The following CCSER1 variants were observed in gnomAD, a reference collection of about 807,000 sequenced individuals.
The protein encoded by CCSER1 is coiled-coil serine rich protein 1, also known as serine-rich coiled-coil domain-containing protein 1.
CCSER1 carries 41 observed loss-of-function variants against 82.0 expected under a neutral mutation model. That is an observed-to-expected ratio of 0.50 (90% CI 0.39 to 0.65). The LOEUF is 0.65. CCSER1 is among the 30% of genes least tolerant of loss of function. The pLI is 0.00. For missense variants in CCSER1, 1,119 were observed against 1,064.2 expected (o/e 1.05, Z -0.72); for synonymous variants, 414 against 383.9 (o/e 1.08, Z -0.92).
At chr4:91,579,504 A>G (rs1763627787) in intron 10 of CCSER1, among the ~76,000 whole-genome samples, 1 of 151,882 alleles carries the variant, frequency 6.6e-6, no homozygotes, top group Admixed American at 6.6e-5. Context: ...CATTGTGAAT[A>G]AATGTTAATT....
In CCSER1 at chr4:91,441,040, T is replaced by C. The variant is rs1338227565; in HGVS notation, c.2218-157532T>C. Among the ~76,000 whole-genome samples the C allele has an allele frequency of 5.9e-5, 9 of 151,766 alleles. No individual in the cohort carries two copies. The East Asian group carries it at 1.7e-3, about 29-fold the overall frequency. ...ATTCACAGCCGAATTCTACCAGAGGTACAAGGAGGAACTGGTACCATTCCT... is the reference window on the plus strand; with the variant it reads ...ATTCACAGCCGAATTCTACCAGAGGCACAAGGAGGAACTGGTACCATTCCT... On this transcript the variant is annotated intron_variant, in intron 10 of 10. Transcript: ENST00000509176.
chr4:90,187,426 T>C (rs1734814810), intron 1 of CCSER1, among the ~76,000 whole-genome samples: 1 of 150,798 alleles, frequency 6.6e-6, no homozygotes, highest in Non-Finnish European at 1.5e-5. Context: ...ACCTCCCTTA[T>C]CGGATTTCAC....
chr4:91,445,564 A>T lies in CCSER1; in HGVS notation c.2218-153008A>T, dbSNP rs1375010266. ...GATTTTATGAAAATGTAGAGACCAA[A>T]TACTGATGTATTCGTTATCATTCTC... On this transcript the variant is annotated intron_variant, in intron 10 of 10. Coordinates refer to ENST00000509176, the MANE Select transcript of CCSER1 (RefSeq NM_001145065.2). Among the ~76,000 whole-genome samples, 12 of 152,012 alleles carry T rather than the reference A, an allele frequency of 7.9e-5. 1 individual carries two copies. Among genetic ancestry groups the T allele is most frequent in the Non-Finnish European group, 1.8e-4 (12 of 68,012 alleles).
intron 9 of CCSER1, among the ~76,000 whole-genome samples, chr4:90,982,417 A>G (rs963352631): frequency 1.3e-5 from 2 of 151,716 alleles, no homozygotes; most frequent in African/African-American, 4.8e-5. Flanking sequence ...AATGGAGGGA[A>G]CACAAATACT....
At chr4:90,915,959 G>C (rs554794752) in intron 8 of CCSER1, among the ~76,000 whole-genome samples, 1 of 151,914 alleles carries the variant, frequency 6.6e-6, no homozygotes, top group Non-Finnish European at 1.5e-5. Context: ...ACTTACAAGG[G>C]GTGTGAAGGA....
chr4:90,709,139 A>G (rs1203588024), intron 6 of CCSER1, among the ~76,000 whole-genome samples: 4 of 152,204 alleles, frequency 2.6e-5, no homozygotes, highest in Non-Finnish European at 4.4e-5. Context: ...TTCATTCCAT[A>G]TAATGTAAAC....
intron 6 of CCSER1, among the ~76,000 whole-genome samples, chr4:90,673,207 G>C (rs1344671925): frequency 6.6e-6 from 1 of 151,882 alleles, no homozygotes; most frequent in East Asian, 1.9e-4. Flanking sequence ...TGTACAATGA[G>C]TTATGTACTA....
chr4:91,532,567 A>G (rs1257695933), intron 10 of CCSER1, among the ~76,000 whole-genome samples: 1 of 152,206 alleles, frequency 6.6e-6, no homozygotes, highest in Non-Finnish European at 1.5e-5. Context: ...ATCAGTAGAC[A>G]TATTTATGGT....
intron 7 of CCSER1, among the ~76,000 whole-genome samples, chr4:90,729,638 G>C (rs890379891): frequency 1.3e-5 from 2 of 152,172 alleles, no homozygotes; most frequent in African/African-American, 4.8e-5. Flanking sequence ...CACTTTGGGA[G>C]GCTGAGGCGG....
chr4:90,617,249 A>G (rs975746501), intron 5 of CCSER1, among the ~76,000 whole-genome samples: 1 of 151,868 alleles, frequency 6.6e-6, no homozygotes, highest in African/African-American at 2.4e-5. Context: ...TTTTTCTGTT[A>G]TCCTTTCTAA....
At chr4:90,923,209 T>C (rs982662677) in intron 8 of CCSER1, among the ~76,000 whole-genome samples, 161 bp from the exon 9 acceptor site, 1 of 152,050 alleles carries the variant, frequency 6.6e-6, no homozygotes, top group African/African-American at 2.4e-5. Context: ...AAATTAAAGC[T>C]CTAAATATTT....
chr4:91,434,030 ACT>A (rs760749017), intron 10 of CCSER1, among the ~76,000 whole-genome samples: 3 of 152,080 alleles, frequency 2.0e-5, no homozygotes, highest in Admixed American at 2.0e-4. Flanking sequence ...GGAGCTCCTG[ACT>A]CTGTCTGAGG....
chr4:90,301,127 A>T (rs1439634984), intron 1 of CCSER1, among the ~76,000 whole-genome samples: 1 of 152,134 alleles, frequency 6.6e-6, no homozygotes, highest in Admixed American at 6.6e-5. Context: ...GAACCAGTGA[A>T]CCCAGAGAAT....
At chr4:91,407,733 T>C (rs531226714) in intron 10 of CCSER1, among the ~76,000 whole-genome samples, 1 of 152,190 alleles carries the variant, frequency 6.6e-6, no homozygotes, top group South Asian at 2.1e-4. Flanking sequence ...GGGAACCAGC[T>C]CTACAGGGAA....
At chr4:91,416,171 A>G (rs1753350445) in intron 10 of CCSER1, among the ~76,000 whole-genome samples, 1 of 152,116 alleles carries the variant, frequency 6.6e-6, no homozygotes, top group African/African-American at 2.4e-5. Context: ...TTCAAGGAGA[A>G]CTACAAACTA....
chr4:90,204,768 A>G (rs1738463218), intron 1 of CCSER1, among the ~76,000 whole-genome samples: 2 of 152,178 alleles, frequency 1.3e-5, no homozygotes, highest in Admixed American at 6.5e-5. Context: ...CATTGAATCT[A>G]TAAATTACTT....
In CCSER1 at chr4:90,178,785, C is replaced by G. The variant is rs114874781; in HGVS notation, c.-42+50954C>G. Among the ~76,000 whole-genome samples the G allele has an allele frequency of 9.7e-3, 1,476 of 152,068 alleles. 32 individuals are homozygous for G. Among genetic ancestry groups the G allele is most frequent in the African/African-American group, 0.034 (1,407 of 41,476 alleles). On this transcript the variant is annotated intron_variant, in intron 1 of 10. Coordinates refer to ENST00000509176, the MANE Select transcript of CCSER1 (RefSeq NM_001145065.2). ...TGAACTGATCATTTTGCTCCTAAGG[C>G]GAGAAGTTTGTGGTGATTAAATTAT... is the stretch of plus-strand genomic sequence containing the variant.
chr4:90,857,976 A>G (rs868284120), intron 8 of CCSER1, among the ~76,000 whole-genome samples: 1 of 152,120 alleles, frequency 6.6e-6, no homozygotes, highest in East Asian at 1.9e-4. Context: ...ATATCTACAT[A>G]TATGTATCTT....
rs1329463638 is a variant in CCSER1, at chr4:90,409,964, A to C, written c.1603+9835A>C. Among the ~76,000 whole-genome samples the C allele has an allele frequency of 2.0e-5, 3 of 152,318 alleles. No homozygotes were observed. In the East Asian group the frequency reaches 5.8e-4, roughly 29 times the overall value. On this transcript the variant is annotated intron_variant, in intron 4 of 10. Transcript: ENST00000509176. ...TACCAAGCAAATGGAAAACAAAAAA[A>C]GGCAGGGGTTGCAATCCTAGTCTCG...
Sources: gnomAD v4.1 joint callset for allele counts (sites outside exome capture counted in the v4.1 genomes callset) on GRCh38, gnomAD v4.1.1 for gene constraint, MANE v1.5 for transcripts, NCBI Gene and HGNC (gene_info 2026-07-23, HGNC 2026-07-21) for gene names.